KLHDC4: variants seen among roughly 807,000 people sequenced by gnomAD.
The protein encoded by KLHDC4 is kelch domain-containing protein 4.
KLHDC4 carries 90 observed loss-of-function variants against 62.4 expected under a neutral mutation model. That is an observed-to-expected ratio of 1.44 (90% CI 1.22 to 1.72). The LOEUF (loss-of-function observed/expected upper bound fraction) is 1.72. Among genes scored for constraint, KLHDC4 ranks in the 40% most tolerant of loss-of-function variants. The pLI is 0.00. For missense variants in KLHDC4, 1,025 were observed against 699.7 expected, an observed-to-expected ratio of 1.47 and a Z score of -5.25; for synonymous variants, 386 against 284.4, an observed-to-expected ratio of 1.36 and a Z score of -3.59.
chr16:87,742,204 G>C (rs371193528), intron 5 of KLHDC4, among the ~76,000 whole-genome samples: 63 of 152,188 alleles, frequency 4.1e-4, no homozygotes, highest in African/African-American at 1.5e-3. Flanking sequence ...ACTGCACCAG[G>C]ATGCCACACA....
intron 7 of KLHDC4, among the ~76,000 whole-genome samples, chr16:87,722,805 G>A (rs370317954): frequency 2.0e-5 from 3 of 152,232 alleles, no homozygotes; most frequent in Non-Finnish European, 2.9e-5. Context: ...TGAGGGCCCC[G>A]GGGAGGCGCC....
At chr16:87,764,077 G>A (rs967572773) in intron 1 of KLHDC4, among the ~76,000 whole-genome samples, 1 of 152,136 alleles carries the variant, frequency 6.6e-6, no homozygotes, top group East Asian at 1.9e-4. Context: ...ATTCCAAACT[G>A]TCCCCAATCC....
chr16:87,708,077 T>C lies in KLHDC4; in HGVS notation c.*2-2A>G. The C allele has an allele frequency of 1.7e-6, 1 of 584,752 alleles. No homozygotes were observed. The highest frequency in any genetic ancestry group is 1.5e-5 in the South Asian group (1 of 65,594). 36.2% of individuals were successfully genotyped at this position (584,752 alleles called of 1,614,324 possible). A position where few individuals can be genotyped will look rare whatever the true frequency, so the allele number is the denominator to read the frequency against. On this transcript the variant is annotated splice_acceptor_variant, in intron 11 of 11. Transcript: ENST00000270583. LOFTEE classifies it low-confidence loss of function (3UTR_SPLICE). ...CAGGCGCCCCTGGCAGGGGCTCTTC[T>C]GATACGCAAGGAGGAAGGAATGAGA...
intron 4 of KLHDC4, among the ~76,000 whole-genome samples, chr16:87,751,925 A>C (rs903698463): frequency 6.6e-6 from 1 of 151,348 alleles, no homozygotes; most frequent in Non-Finnish European, 1.5e-5. Flanking sequence ...TACTAAAAAA[A>C]TTAGCCAGGC....
At chr16:87,721,433 A>T (rs912937414) in intron 7 of KLHDC4, among the ~76,000 whole-genome samples, 2 of 151,516 alleles carry the variant, frequency 1.3e-5, no homozygotes, top group African/African-American at 4.9e-5. Flanking sequence ...AAAAAAAAAA[A>T]AAAAAATACA....
At position 87,720,057 on chromosome 16, in the gene KLHDC4, A is replaced by G. The variant is rs1338590814; in HGVS notation, c.760-5484T>C. On this transcript the variant is annotated intron_variant, in intron 7 of 11. Coordinates refer to ENST00000270583, the MANE Select transcript of KLHDC4 (RefSeq NM_017566.4). ...TTAGCTTAGCCTGCAGTGAGTCCTC[A>G]ATGCAGCTGCTTTGGCTCACCCGGC... Among the ~76,000 whole-genome samples the G allele has an allele frequency of 3.3e-5, 5 of 152,138 alleles. No homozygotes were observed. The East Asian group carries it at 5.8e-4, about 18-fold the overall frequency.
intron 2 of KLHDC4, among the ~76,000 whole-genome samples, chr16:87,757,751 G>A (rs1277020893): frequency 1.3e-5 from 2 of 151,994 alleles, no homozygotes; most frequent in Non-Finnish European, 2.9e-5. Flanking sequence ...AAGTAGCCAG[G>A]CATGGTGGTG....
intron 5 of KLHDC4, among the ~76,000 whole-genome samples, chr16:87,739,319 T>A: frequency 9.0e-6 from 1 of 111,268 alleles, no homozygotes; most frequent in Non-Finnish European, 1.8e-5. Flanking sequence ...ACCTCATCCA[T>A]CCACACAACA....
intron 2 of KLHDC4, among the ~76,000 whole-genome samples, chr16:87,757,916 T>C (rs930339489): frequency 3.3e-5 from 5 of 151,850 alleles, no homozygotes; most frequent in Non-Finnish European, 7.4e-5. Context: ...AATAAATAAA[T>C]ACATAGGGCC....
chr16:87,761,398 T>C (rs928184735), intron 2 of KLHDC4, among the ~76,000 whole-genome samples: 1 of 152,174 alleles, frequency 6.6e-6, no homozygotes, highest in African/African-American at 2.4e-5. Flanking sequence ...AAAGGGTAAA[T>C]CCTGCAAGGT....
At chr16:87,705,975 G>A (rs886576472), downstream of KLHDC4, among the ~76,000 whole-genome samples, 4 of 152,236 alleles carry the variant, frequency 2.6e-5, no homozygotes, top group African/African-American at 9.7e-5. Context: ...CCTGTGCGGG[G>A]TCGGTGCAAC....
chr16:87,757,834 G>C (rs2045227115), intron 2 of KLHDC4, among the ~76,000 whole-genome samples: 3 of 152,178 alleles, frequency 2.0e-5, no homozygotes, highest in South Asian at 4.1e-4. Flanking sequence ...AGAGGCTGCA[G>C]TGAGCCAGGA....
At chr16:87,711,536 G>T in intron 8 of KLHDC4, 93 bp from the exon 9 acceptor site, 3 of 1,085,440 alleles carry the variant, frequency 2.8e-6, no homozygotes, top group Non-Finnish European at 3.9e-6. Context: ...GTGCCCCCCA[G>T]AATGGGGTAA....
At chr16:87,714,186 G>A (rs2036459189) in intron 8 of KLHDC4, among the ~76,000 whole-genome samples, 1 of 152,196 alleles carries the variant, frequency 6.6e-6, no homozygotes, top group African/African-American at 2.4e-5. Flanking sequence ...AAGACCCTTG[G>A]AGGGGCCCAT....
intron 7 of KLHDC4, among the ~76,000 whole-genome samples, chr16:87,725,825 G>A (rs929972324): frequency 1.3e-5 from 2 of 152,154 alleles, no homozygotes; most frequent in Non-Finnish European, 2.9e-5. Context: ...CGGGGTGGGC[G>A]CGAGAACATT....
chr16:87,734,913 C>T (rs1305141577), intron 5 of KLHDC4, among the ~76,000 whole-genome samples: 1 of 151,650 alleles, frequency 6.6e-6, no homozygotes, highest in Non-Finnish European at 1.5e-5. Flanking sequence ...AAGAACGCCC[C>T]TCCCCCTCCT....
At chr16:87,722,228 C>T (rs966675165) in intron 7 of KLHDC4, among the ~76,000 whole-genome samples, 4 of 152,202 alleles carry the variant, frequency 2.6e-5, no homozygotes, top group African/African-American at 7.2e-5. Context: ...ATTTATAAAA[C>T]GTGGTTACGA....
intron 6 of KLHDC4, 115 bp from the exon 7 acceptor site, chr16:87,727,039 A>G: frequency 1.7e-6 from 2 of 1,146,590 alleles, no homozygotes; most frequent in Non-Finnish European, 2.5e-6. Context: ...GAAAAACTCA[A>G]ACCATTTTTC....
chr16:87,705,686 A>G (rs1159890227), downstream of KLHDC4, among the ~76,000 whole-genome samples: 5 of 152,164 alleles, frequency 3.3e-5, no homozygotes, highest in South Asian at 2.1e-4. Flanking sequence ...AGCCAACAAG[A>G]TATTTCCTCT....
Sources: gnomAD v4.1 joint callset for allele counts (sites outside exome capture counted in the v4.1 genomes callset) on GRCh38, gnomAD v4.1.1 for gene constraint, MANE v1.5 for transcripts, NCBI Gene and HGNC (gene_info 2026-07-23, HGNC 2026-07-21) for gene names.